The following AGPS variants were observed in gnomAD, a reference collection of about 807,000 sequenced individuals.
AGPS encodes alkylglycerone phosphate synthase.
AGPS carries 26 observed loss-of-function variants against 90.7 expected under a neutral mutation model. That is an observed-to-expected ratio of 0.29 (90% confidence interval 0.21 to 0.40). The LOEUF (loss-of-function observed/expected upper bound fraction) is 0.40, where lower values mean the gene tolerates loss of function less well. AGPS is among the 10% of genes least tolerant of loss of function. The pLI is 1.00. For synonymous variants in AGPS, 294 were observed against 285.3 expected (o/e 1.03, Z -0.31); for missense variants, 540 against 816.1 (o/e 0.66, Z 4.12).
In AGPS at chr2:177,427,754, G is replaced by A. The variant is rs149882920; in HGVS notation, c.351-6573G>A. On this transcript the variant is annotated intron_variant, in intron 2 of 19. Transcript: ENST00000264167. ...TGGGGGGTGTTTTAATTCCGATTAC[G>A]TGATCAATTTTAGAGTAAGTGTTGT... is the stretch of plus-strand genomic sequence containing the variant. 1.8e-4 allele frequency among the ~76,000 whole-genome samples: 28 copies of A among 152,174 alleles called. 1 individual carries two copies. In the East Asian group the frequency reaches 4.8e-3, roughly 26 times the overall value.
chr2:177,454,868 A>G (rs1329132257), intron 8 of AGPS, among the ~76,000 whole-genome samples: 1 of 152,158 alleles, frequency 6.6e-6, no homozygotes, highest in Non-Finnish European at 1.5e-5. Context: ...TCTCAGTTGG[A>G]CTAGTGGAAA....
At chr2:177,407,188 A>G (rs1181394910) in intron 1 of AGPS, among the ~76,000 whole-genome samples, 1 of 152,184 alleles carries the variant, frequency 6.6e-6, no homozygotes, top group African/African-American at 2.4e-5. Context: ...GATTAAAGTG[A>G]GAAGGAAATA....
rs546794768 is a variant in AGPS, at chr2:177,543,444, A to G, written c.*5249A>G. The G allele has an allele frequency of 2.6e-5, 4 of 152,332 alleles. No individual in the cohort carries two copies. The highest frequency in any genetic ancestry group is 7.2e-5 in the African/African-American group (3 of 41,578). 9.4% of individuals were successfully genotyped at this position (152,332 alleles called of 1,614,324 possible). A position where few individuals can be genotyped will look rare whatever the true frequency, so the allele number is the denominator to read the frequency against. On this transcript the variant is annotated 3_prime_UTR_variant, in exon 20 of 20. Coordinates refer to ENST00000264167, the MANE Select transcript of AGPS (RefSeq NM_003659.4). ...TCTGATACAACTTAACTTGAATAAT[A>G]TCTTATCCTGAGTCTTCCTCCAAGG...
chr2:177,524,660 T>G (rs2079065085), intron 19 of AGPS, among the ~76,000 whole-genome samples: 1 of 152,198 alleles, frequency 6.6e-6, no homozygotes, highest in Non-Finnish European at 1.5e-5. Context: ...TTTTCATTCA[T>G]AGCACTTATT....
intron 1 of AGPS, among the ~76,000 whole-genome samples, chr2:177,401,997 T>C (rs1304345968): frequency 6.6e-6 from 1 of 152,240 alleles, no homozygotes; most frequent in African/African-American, 2.4e-5. Flanking sequence ...TTCTAAGCAC[T>C]TGGGCTATGT....
chr2:177,401,021 A>G (rs1023227654), intron 1 of AGPS, among the ~76,000 whole-genome samples: 13 of 152,158 alleles, frequency 8.5e-5, no homozygotes, highest in African/African-American at 2.9e-4. Context: ...TTTGCTGTCA[A>G]CTCAAATTTT....
intron 1 of AGPS, among the ~76,000 whole-genome samples, chr2:177,404,966 G>T (rs1685425619): frequency 6.6e-6 from 1 of 152,190 alleles, no homozygotes; most frequent in Non-Finnish European, 1.5e-5. Flanking sequence ...ATTAATCTGA[G>T]CTAGGTTAAA....
chr2:177,482,689 A>T (rs997848523), intron 11 of AGPS, among the ~76,000 whole-genome samples: 1 of 152,154 alleles, frequency 6.6e-6, no homozygotes, highest in Non-Finnish European at 1.5e-5. Flanking sequence ...ACTTTGTTTC[A>T]TAATATTATC....
At position 177,445,638 on chromosome 2, in the gene AGPS, A is replaced by AT; in HGVS notation, c.870+17dup. On this transcript the variant is annotated intron_variant, in intron 8 of 19. Transcript: ENST00000264167. ...AGTTGGAAAGACAGGTATGTTATTT[A>AT]TTTTTCTTATTTTTTTAAATTAACT... is the stretch of plus-strand genomic sequence containing the variant. 2 of 1,535,720 alleles carry AT rather than the reference A, an allele frequency of 1.3e-6. No homozygotes were observed. Among genetic ancestry groups the AT allele is most frequent in the Middle Eastern group, 1.7e-4 (1 of 5,738 alleles).
intron 10 of AGPS, among the ~76,000 whole-genome samples, chr2:177,470,171 G>T (rs978545086): frequency 3.9e-5 from 6 of 152,126 alleles, no homozygotes; most frequent in African/African-American, 1.2e-4. Context: ...CTCATTATGA[G>T]GCTGCTGGTT....
chr2:177,446,384 G>A (rs947248046), intron 8 of AGPS, among the ~76,000 whole-genome samples: 6 of 152,000 alleles, frequency 3.9e-5, no homozygotes, highest in South Asian at 2.1e-4. Flanking sequence ...CTCGTGATCC[G>A]CCCGCCTCGG....
intron 8 of AGPS, among the ~76,000 whole-genome samples, chr2:177,451,092 G>C (rs1686935629): frequency 6.9e-6 from 1 of 144,644 alleles, no homozygotes. Flanking sequence ...CTCCCCGGTA[G>C]CTAGGACTAC....
chr2:177,393,304 G>A (rs1479949578), intron 1 of AGPS: 1 of 985,356 alleles, frequency 1.0e-6, no homozygotes, highest in Non-Finnish European at 1.2e-6. Flanking sequence ...GTTGGAGAAG[G>A]GTTTAAAGGA....
intron 1 of AGPS, among the ~76,000 whole-genome samples, chr2:177,414,831 C>T (rs1685737710): frequency 6.6e-6 from 1 of 151,506 alleles, no homozygotes; most frequent in Non-Finnish European, 1.5e-5. Context: ...TGTGTGAGGC[C>T]TCTAATTTTC....
At chr2:177,483,546 G>A (rs571116186) in intron 11 of AGPS, among the ~76,000 whole-genome samples, 46 of 152,286 alleles carry the variant, frequency 3.0e-4, no homozygotes, top group African/African-American at 1.1e-3. Flanking sequence ...AAAGGAAGTA[G>A]GGTCCTGGAA....
At chr2:177,509,498 C>G (rs941914810) in intron 16 of AGPS, among the ~76,000 whole-genome samples, 2 of 151,948 alleles carry the variant, frequency 1.3e-5, no homozygotes, top group Non-Finnish European at 2.9e-5. Flanking sequence ...AACCTCGTCT[C>G]TACTGAAAAT....
intron 1 of AGPS, among the ~76,000 whole-genome samples, chr2:177,418,992 A>G (rs1162853104): frequency 1.3e-5 from 2 of 151,886 alleles, no homozygotes; most frequent in African/African-American, 4.8e-5. Flanking sequence ...CTGGATTGAT[A>G]CTCTTCAGAT....
In AGPS at chr2:177,538,466, A is replaced by T. The variant is rs2079203428; in HGVS notation, c.*271A>T. The T allele has an allele frequency of 2.3e-6, 1 of 431,146 alleles. No individual in the cohort carries two copies. 26.7% of individuals were successfully genotyped at this position (431,146 alleles called of 1,614,324 possible). A position where few individuals can be genotyped will look rare whatever the true frequency, so the allele number is the denominator to read the frequency against. On this transcript the variant is annotated 3_prime_UTR_variant, in exon 20 of 20. Transcript: ENST00000264167. The stretch of plus-strand genomic sequence containing the variant: ...GTCAGGCAGCACAAAGCTGTCAATT[A>T]TTCCAGAGGAAGCTGCTGCCAGCTG...
At chr2:177,443,054 A>G (rs1005844382) in intron 7 of AGPS, among the ~76,000 whole-genome samples, 1 of 151,928 alleles carries the variant, frequency 6.6e-6, no homozygotes. Context: ...ATTTTGTCAT[A>G]CTTTCTTTAT....
Sources: allele counts gnomAD v4.1 joint callset (sites outside exome capture counted in the v4.1 genomes callset), GRCh38; gene constraint gnomAD v4.1.1; transcripts MANE v1.5; gene names NCBI Gene and HGNC (gene_info 2026-07-23, HGNC 2026-07-21).